The following PDK1 variants were observed in gnomAD, a reference collection of about 807,000 sequenced individuals.
The protein encoded by PDK1 is [Pyruvate dehydrogenase (acetyl-transferring)] kinase isozyme 1, mitochondrial.
A neutral mutation model predicts 54.2 loss-of-function variants in PDK1; 39 were observed. That is an observed-to-expected ratio of 0.72 (90% CI 0.56 to 0.94). The LOEUF (loss-of-function observed/expected upper bound fraction) is 0.94, where lower values mean the gene tolerates loss of function less well. Among genes scored for constraint, PDK1 ranks in the 40% least tolerant of loss-of-function variants. PDK1 has a pLI of 0.00. For missense variants in PDK1, 552 were observed against 566.0 expected (o/e 0.98, Z 0.25); for synonymous variants, 221 against 207.1 (o/e 1.07, Z -0.58).
chr2:172,687,634 A>G, the PDK1 span, among the ~76,000 whole-genome samples: 1 of 152,170 alleles, frequency 6.6e-6, no homozygotes, highest in Admixed American at 6.5e-5. Flanking sequence ...GGTGTTTCCC[A>G]AACCTTCATT....
rs1558960322 is a variant in PDK1 at position 172,596,006 on chromosome 2, T to C, written c.*37T>C. The C allele has an allele frequency of 6.4e-7, 1 of 1,562,082 alleles. No homozygotes were observed. Among genetic ancestry groups the C allele is most frequent in the African/African-American group, 1.4e-5 (1 of 73,644 alleles). Reference sequence around the variant, plus strand: ...ACATCGGAAAATCCAAATGTGGCTTTTGTATTAAATTTGGAAGGTATGGTG... The same window carrying C: ...ACATCGGAAAATCCAAATGTGGCTTCTGTATTAAATTTGGAAGGTATGGTG... On this transcript the variant is annotated 3_prime_UTR_variant, in exon 11 of 11. Transcript: ENST00000282077.
the PDK1 span, among the ~76,000 whole-genome samples, chr2:172,621,412 A>G: frequency 0.017 from 2,527 of 152,060 alleles, 75 homozygotes; most frequent in African/African-American, 0.058. Flanking sequence ...GCCCTTGAAC[A>G]TCGGACACCA....
chr2:172,662,415 G>A, the PDK1 span, among the ~76,000 whole-genome samples: 33 of 151,822 alleles, frequency 2.2e-4, no homozygotes, highest in South Asian at 6.9e-3. Flanking sequence ...TCCACCAAGA[G>A]ATAACATGAC....
chr2:172,582,691 C>T (rs561957754), intron 8 of PDK1, among the ~76,000 whole-genome samples: 3 of 152,204 alleles, frequency 2.0e-5, no homozygotes. Flanking sequence ...TATTCCCTCC[C>T]TCCCTTTTCC....
chr2:172,584,497 A>G (rs1042729692), intron 8 of PDK1, among the ~76,000 whole-genome samples: 1 of 151,382 alleles, frequency 6.6e-6, no homozygotes, highest in Non-Finnish European at 1.5e-5. Context: ...ACTTTCTTTT[A>G]CTTAACTAAT....
At chr2:172,636,757 A>G in the PDK1 span, among the ~76,000 whole-genome samples, 2 of 151,052 alleles carry the variant, frequency 1.3e-5, no homozygotes, top group Admixed American at 1.3e-4. Context: ...ATTCATTACC[A>G]TAAGGATGGC....
At chr2:172,641,305 T>G in the PDK1 span, among the ~76,000 whole-genome samples, 2,607 of 152,150 alleles carry the variant, frequency 0.017, 74 homozygotes, top group African/African-American at 0.059. Context: ...AATTCTTTTT[T>G]CCTTTTTGTG....
chr2:172,576,515 A>G (rs910563910), intron 8 of PDK1, among the ~76,000 whole-genome samples: 4 of 151,194 alleles, frequency 2.6e-5, no homozygotes, highest in Non-Finnish European at 4.4e-5. Context: ...AGGCTTTATT[A>G]TAATTTCCTT....
At chr2:172,695,516 C>T in the PDK1 span, among the ~76,000 whole-genome samples, 2 of 152,196 alleles carry the variant, frequency 1.3e-5, no homozygotes, top group Non-Finnish European at 2.9e-5. Context: ...TCCCACATAT[C>T]CTGCTTTCCA....
chr2:172,573,591 A>G lies in PDK1; in HGVS notation c.945+2767A>G, dbSNP rs1378837574. 1.3e-5 allele frequency among the ~76,000 whole-genome samples: 2 copies of G among 151,440 alleles called. 1 individual carries two copies. Among genetic ancestry groups the G allele is most frequent in the Middle Eastern group, 6.4e-3 (2 of 314 alleles). ...TATACATATATGTGTGTGTATATAT[A>G]TACACCCTATATATATTCTATTTGT... On this transcript the variant is annotated intron_variant, in intron 8 of 10. Coordinates refer to ENST00000282077, the MANE Select transcript of PDK1 (RefSeq NM_002610.5).
the PDK1 span, among the ~76,000 whole-genome samples, chr2:172,710,849 C>G: frequency 2.0e-5 from 3 of 152,196 alleles, no homozygotes; most frequent in Non-Finnish European, 4.4e-5. Flanking sequence ...AATTCTCAGT[C>G]GAGTGAGTCA....
the PDK1 span, chr2:172,674,941 T>C: frequency 6.6e-6 from 1 of 152,272 alleles, no homozygotes. Context: ...ATGTGCTCGC[T>C]TTGTCACATT....
the PDK1 span, chr2:172,679,060 G>T: frequency 3.3e-5 from 5 of 152,326 alleles, no homozygotes; most frequent in African/African-American, 1.2e-4. Flanking sequence ...CAGAAATATA[G>T]CCTGTAATGT....
At chr2:172,630,068 C>T in the PDK1 span, among the ~76,000 whole-genome samples, 1 of 152,160 alleles carries the variant, frequency 6.6e-6, no homozygotes, top group Admixed American at 6.5e-5. Flanking sequence ...CCTACTACTC[C>T]CCAACCTTCA....
At chr2:172,562,072 G>T in intron 2 of PDK1, 148 bp from the exon 3 acceptor site, 1 of 519,318 alleles carries the variant, frequency 1.9e-6, no homozygotes, top group Non-Finnish European at 3.4e-6. Context: ...ATGTGCATGG[G>T]TGTAAAAATT....
chr2:172,693,332 T>C, the PDK1 span, among the ~76,000 whole-genome samples: 2 of 152,216 alleles, frequency 1.3e-5, no homozygotes, highest in Non-Finnish European at 2.9e-5. Context: ...GTGGGAGTGG[T>C]GAGGAGAATC....
the PDK1 span, among the ~76,000 whole-genome samples, chr2:172,702,934 C>T: frequency 3.6e-4 from 55 of 152,124 alleles, no homozygotes; most frequent in East Asian, 8.1e-3. Context: ...AAAAGTGTGT[C>T]CCCCCAAAAT....
rs1195003260 is a variant in PDK1 at position 172,602,536 on chromosome 2, A to ATG, written c.*6568_*6569insGT. On this transcript the variant is annotated 3_prime_UTR_variant, in exon 11 of 11. Coordinates refer to ENST00000282077, the MANE Select transcript of PDK1 (RefSeq NM_002610.5). ...ATACTGGAATTGTCTATGAGGTTGGATCCATGGGCCTGCCATGGAAAATTT... is the reference window on the plus strand; with the variant it reads ...ATACTGGAATTGTCTATGAGGTTGGATGTCCATGGGCCTGCCATGGAAAATTT... 1 of 152,144 alleles carries ATG rather than the reference A, an allele frequency of 6.6e-6. No homozygotes were observed. Among genetic ancestry groups the ATG allele is most frequent in the Non-Finnish European group, 1.5e-5 (1 of 68,012 alleles). 9.4% of individuals were successfully genotyped at this position (152,144 alleles called of 1,614,324 possible).
chr2:172,610,101 C>T (rs747104384), downstream of PDK1, among the ~76,000 whole-genome samples: 4 of 152,028 alleles, frequency 2.6e-5, no homozygotes, highest in Non-Finnish European at 2.9e-5. Context: ...GGATTACAGG[C>T]GTGAGCCTCT....
Sources: gnomAD v4.1 joint callset for allele counts (sites outside exome capture counted in the v4.1 genomes callset) on GRCh38, gnomAD v4.1.1 for gene constraint, MANE v1.5 for transcripts, NCBI Gene and HGNC (gene_info 2026-07-23, HGNC 2026-07-21) for gene names.